ATXN10: variants seen among roughly 807,000 people sequenced by gnomAD.
ATXN10 encodes ataxin-10.
In ATXN10, 28 loss-of-function variants were observed where a neutral mutation model predicts 52.9. That is an observed-to-expected ratio of 0.53 (90% CI 0.39 to 0.73). The LOEUF (loss-of-function observed/expected upper bound fraction) is 0.73, where lower values mean the gene tolerates loss of function less well. ATXN10 is among the 30% of genes least tolerant of loss of function. The probability of loss-of-function intolerance (pLI) is 0.00; values close to 1 mark genes in which losing one functional copy is unlikely to be tolerated. For missense variants in ATXN10, 565 were observed against 577.0 expected, an observed-to-expected ratio of 0.98 and a Z score of 0.21; for synonymous variants, 226 against 221.5, an observed-to-expected ratio of 1.02 and a Z score of -0.18.
rs559516060 is a variant in ATXN10, at chr22:45,672,471, A to C, written c.116+292A>C. ...GCGGCGTGCCGGTGATGTTGACCCA[A>C]CACACGGTTAGGCCTCCCCTGTCAT... On this transcript the variant is annotated intron_variant, in intron 1 of 11. Transcript: ENST00000252934. The C allele has an allele frequency of 1.7e-5, 3 of 172,718 alleles. No homozygotes were observed. In the East Asian group the frequency reaches 4.8e-4, roughly 28 times the overall value. The allele number at this position is 172,718 out of a possible 1,614,324, so 10.7% of individuals were successfully genotyped here.
chr22:45,801,154 G>T (rs925361176), intron 9 of ATXN10, among the ~76,000 whole-genome samples: 3 of 152,232 alleles, frequency 2.0e-5, no homozygotes, highest in Admixed American at 6.5e-5. Flanking sequence ...GCTTTGGGGA[G>T]ATCAGGCGTT....
rs73889633 is a variant in ATXN10 at position 45,824,763 on chromosome 22, C to G, written c.1237+17741C>G. On this transcript the variant is annotated intron_variant, in intron 10 of 11. Transcript: ENST00000252934. This position sits in a 1 kb window ranked among gnomAD's most constrained non-coding sequence, Gnocchi z 5.2. ...CCGAGGTGATGTGATCTAGCTTTTTCTGTGATACCCAGAATCTATAACCTG... is the reference window on the plus strand; with the variant it reads ...CCGAGGTGATGTGATCTAGCTTTTTGTGTGATACCCAGAATCTATAACCTG... 9.1e-3 allele frequency among the ~76,000 whole-genome samples: 1,392 copies of G among 152,304 alleles called. 33 individuals are homozygous for G. Among genetic ancestry groups the G allele is most frequent in the African/African-American group, 0.032 (1,337 of 41,556 alleles).
At position 45,715,247 on chromosome 22, in the gene ATXN10, A is replaced by G. The variant is rs1924400801; in HGVS notation, c.648-3166A>G. 6.6e-6 allele frequency among the ~76,000 whole-genome samples: 1 copy of G among 151,490 alleles called. No homozygotes were observed. Among genetic ancestry groups the G allele is most frequent in the South Asian group, 2.1e-4 (1 of 4,758 alleles). On this transcript the variant is annotated intron_variant, in intron 5 of 11. Coordinates refer to ENST00000252934, the MANE Select transcript of ATXN10 (RefSeq NM_013236.4). This position sits in a 1 kb window ranked among gnomAD's most constrained non-coding sequence, Gnocchi z 4.4. ...TGCCCACTGTTTAAAAACTGTTTAT[A>G]TATATTGTCTGGTTTTATGTTGTTT...
At chr22:45,719,353 TC>T in intron 6 of ATXN10, among the ~76,000 whole-genome samples, 1 of 152,130 alleles carries the variant, frequency 6.6e-6, no homozygotes. Context: ...ACTTTTGTAG[TC>T]TTTTATTAAT....
intron 3 of ATXN10, among the ~76,000 whole-genome samples, chr22:45,694,981 A>G (rs1378519477): frequency 2.0e-5 from 3 of 150,502 alleles, no homozygotes; most frequent in Non-Finnish European, 4.4e-5. Flanking sequence ...ACCCCAGAAA[A>G]TTTTAATGTA....
chr22:45,700,497 AGTT>A, intron 4 of ATXN10, 119 bp downstream of exon 4: 5 of 813,342 alleles, frequency 6.1e-6, no homozygotes, highest in South Asian at 1.5e-5. Flanking sequence ...TCAGGATAGT[AGTT>A]GTTCTTGGTG....
Position 45,770,267 on chromosome 22 carries a change from G to A in ATXN10, c.1173+29729G>A, listed in dbSNP as rs1029504784. On this transcript the variant is annotated intron_variant, in intron 9 of 11. Transcript: ENST00000252934. The surrounding 1 kb of genome is among the most constrained non-coding windows in gnomAD (Gnocchi z 4.5). Reference sequence around the variant, plus strand: ...CTTAAGCAGAGTTTTTAAAAATGTGGGTTGCATCCCAATAACGAGATACGA... The same window carrying A: ...CTTAAGCAGAGTTTTTAAAAATGTGAGTTGCATCCCAATAACGAGATACGA... Among the ~76,000 whole-genome samples, 1 of 152,104 alleles carries A rather than the reference G, an allele frequency of 6.6e-6. No homozygotes were observed. The highest frequency in any genetic ancestry group is 2.4e-5 in the African/African-American group (1 of 41,398).
intron 9 of ATXN10, among the ~76,000 whole-genome samples, chr22:45,778,468 C>T (rs1373667554): frequency 6.6e-6 from 1 of 152,194 alleles, no homozygotes; most frequent in Non-Finnish European, 1.5e-5. Context: ...AAGTAGAGTA[C>T]ATGCTCAGTG....
intron 1 of ATXN10, among the ~76,000 whole-genome samples, chr22:45,682,100 A>G (rs1922946045): frequency 6.6e-6 from 1 of 152,028 alleles, no homozygotes; most frequent in African/African-American, 2.4e-5. Context: ...TTTCTATTGG[A>G]TTGCACTCAT....
rs1227190107 is a variant in ATXN10, at chr22:45,818,072, G to A, written c.1237+11050G>A. ...CCTCGCTCAGGTATCTTGGCAGGTA[G>A]TCAAACTGTTTTAAAATGAGACTGT... On this transcript the variant is annotated intron_variant, in intron 10 of 11. Transcript: ENST00000252934. The surrounding 1 kb of genome is among the most constrained non-coding windows in gnomAD (Gnocchi z 4.6). Among the ~76,000 whole-genome samples the A allele has an allele frequency of 6.6e-6, 1 of 152,366 alleles. No individual in the cohort carries two copies. The highest frequency in any genetic ancestry group is 2.1e-4 in the South Asian group (1 of 4,826).
chr22:45,693,197 C>T (rs1426370596), intron 3 of ATXN10, 119 bp downstream of exon 3: 4 of 827,000 alleles, frequency 4.8e-6, no homozygotes, highest in South Asian at 3.0e-5. Flanking sequence ...GATAGGGAAA[C>T]TTTAATAGTG....
chr22:45,777,277 A>G (rs1926993531), intron 9 of ATXN10, among the ~76,000 whole-genome samples: 1 of 152,234 alleles, frequency 6.6e-6, no homozygotes, highest in South Asian at 2.1e-4. Context: ...CGTTGTTACC[A>G]TAGCTGGAGT....
chr22:45,785,688 T>C (rs765271837), intron 9 of ATXN10, among the ~76,000 whole-genome samples: 50 of 152,166 alleles, frequency 3.3e-4, no homozygotes, highest in Non-Finnish European at 5.0e-4. Context: ...CAGGCTTAAC[T>C]CAGTGCTCCT....
At chr22:45,806,873 G>T (rs1211903052) in intron 9 of ATXN10, 86 bp from the exon 10 acceptor site, 3 of 1,059,632 alleles carry the variant, frequency 2.8e-6, no homozygotes, top group Non-Finnish European at 2.9e-6. Flanking sequence ...CATTGAGTAA[G>T]AAAACACAAA....
intron 9 of ATXN10, among the ~76,000 whole-genome samples, 160 bp from the exon 10 acceptor site, chr22:45,806,799 G>A (rs914112239): frequency 6.6e-6 from 1 of 151,944 alleles, no homozygotes; most frequent in Non-Finnish European, 1.5e-5. Context: ...TTGTTTACAT[G>A]TCTGTTTTAT....
rs1569065664 is a variant in ATXN10, at chr22:45,790,680, C to G, written c.1174-16279C>G. ...TGAGTCAAGACCATGCCTTGCTTCT[C>G]TCATGGGTTTTGTAGGACCCAATCA... is the stretch of plus-strand genomic sequence containing the variant. On this transcript the variant is annotated intron_variant, in intron 9 of 11. Coordinates refer to ENST00000252934, the MANE Select transcript of ATXN10 (RefSeq NM_013236.4). This position sits in a 1 kb window ranked among gnomAD's most constrained non-coding sequence, Gnocchi z 4.7. Among the ~76,000 whole-genome samples, 1 of 152,202 alleles carries G rather than the reference C, an allele frequency of 6.6e-6. No homozygotes were observed.
intron 9 of ATXN10, among the ~76,000 whole-genome samples, chr22:45,761,071 A>G (rs1354681725): frequency 6.6e-6 from 1 of 152,166 alleles, no homozygotes; most frequent in African/African-American, 2.4e-5. Flanking sequence ...TTGGGAAAGA[A>G]GTTGAATTTT....
Position 45,702,767 on chromosome 22 carries a change from A to T in ATXN10, c.567A>T (p.Arg189Ser), listed in dbSNP as rs1923889162. Residue 189 changes from arginine (R) to serine (S), a missense_variant, in exon 5 of 12, where the codon AGA (arginine) becomes AGT (serine). Coordinates refer to ENST00000252934, the MANE Select transcript of ATXN10 (RefSeq NM_013236.4). ...TGTTTACATCCCTTAATCATGAAAG[A>T]ATGAAAGAACTGGAGGAGAACCTCA... ...MILFTSLNHE[R>S]MKELEENLNI... 2 of 1,614,066 alleles carry T rather than the reference A, an allele frequency of 1.2e-6. No individual in the cohort carries two copies. Among genetic ancestry groups the T allele is most frequent in the Non-Finnish European group, 1.7e-6 (2 of 1,179,970 alleles).
In ATXN10 at chr22:45,780,503, G is replaced by A. The variant is rs1927111437; in HGVS notation, c.1174-26456G>A. On this transcript the variant is annotated intron_variant, in intron 9 of 11. Transcript: ENST00000252934. This position sits in a 1 kb window ranked among gnomAD's most constrained non-coding sequence, Gnocchi z 4.0. ...TCAGGCAGACCTAGGTTCAACCCTG[G>A]CCCTGCTGTGGAGTGGATGTGAACC... Among the ~76,000 whole-genome samples the A allele has an allele frequency of 6.6e-6, 1 of 152,266 alleles. No homozygotes were observed. The highest frequency in any genetic ancestry group is 1.9e-4 in the East Asian group (1 of 5,178).
Sources: gnomAD v4.1 joint callset for allele counts (sites outside exome capture counted in the v4.1 genomes callset) on GRCh38, gnomAD v4.1.1 for gene constraint, Gnocchi (gnomAD v3.1) non-coding constraint, MANE v1.5 for transcripts, NCBI Gene and HGNC (gene_info 2026-07-23, HGNC 2026-07-21) for gene names.